RHOH: variants seen among roughly 807,000 people sequenced by gnomAD.
RHOH encodes the protein ras homolog family member H, also known as rho-related GTP-binding protein RhoH.
RHOH carries 6 observed loss-of-function variants against 13.8 expected under a neutral mutation model. The ratio of observed to expected loss-of-function variants is 0.44; its 90% CI spans 0.24 to 0.86. The LOEUF is 0.86. Among genes scored for constraint, RHOH ranks in the 40% least tolerant of loss-of-function variants. The probability of loss-of-function intolerance (pLI) is 0.24; values close to 1 mark genes in which losing one functional copy is unlikely to be tolerated. For synonymous variants in RHOH, 117 were observed against 103.0 expected (o/e 1.14, Z -0.82); for missense variants, 147 against 244.5 (o/e 0.60, Z 2.66).
Position 40,218,345 on chromosome 4 carries a change from A to T in RHOH, c.-331+21045A>T, listed in dbSNP as rs1726135470. ...TGTCTACAATGACCAGTGGACTCTA[A>T]ACTGGGCTGGAACATGTTCCCAGGA... On this transcript the variant is annotated intron_variant, in intron 1 of 2. Transcript: ENST00000381799. This position sits in a 1 kb window ranked among gnomAD's most constrained non-coding sequence, Gnocchi z 4.1. 6.6e-6 allele frequency: 1 copy of T among 152,182 alleles called. No homozygotes were observed. Among genetic ancestry groups the T allele is most frequent in the Non-Finnish European group, 1.5e-5 (1 of 68,040 alleles). 9.4% of individuals were successfully genotyped at this position (152,182 alleles called of 1,614,324 possible). A position where few individuals can be genotyped will look rare whatever the true frequency, so the allele number is the denominator to read the frequency against.
At chr4:40,222,304 A>G (rs894039275) in intron 1 of RHOH, among the ~76,000 whole-genome samples, 2 of 152,220 alleles carry the variant, frequency 1.3e-5, no homozygotes, top group Non-Finnish European at 2.9e-5. Flanking sequence ...TTGGAAGAAG[A>G]TGCCATCTAG....
At chr4:40,231,497 G>A (rs1332604548) in intron 1 of RHOH, among the ~76,000 whole-genome samples, 1 of 152,046 alleles carries the variant, frequency 6.6e-6, no homozygotes, top group South Asian at 2.1e-4. Flanking sequence ...TCCTGAAAGC[G>A]CTCTGTCTCT....
At chr4:40,217,750 A>T (rs1361239913) in intron 1 of RHOH, among the ~76,000 whole-genome samples, 1 of 152,258 alleles carries the variant, frequency 6.6e-6, no homozygotes, top group East Asian at 1.9e-4. Flanking sequence ...GCAAAAATAA[A>T]TAGAAATGGC....
intron 1 of RHOH, among the ~76,000 whole-genome samples, chr4:40,232,373 C>G (rs933030388): frequency 2.7e-5 from 4 of 146,636 alleles, no homozygotes; most frequent in Middle Eastern, 3.5e-3. Context: ...TATAGGCATG[C>G]TCCACCATGC....
chr4:40,235,616 G>GGA (rs1319543353), intron 1 of RHOH, among the ~76,000 whole-genome samples: 2 of 122,388 alleles, frequency 1.6e-5, no homozygotes, highest in East Asian at 4.8e-4. Context: ...AAAGAAAAAA[G>GGA]AAAAAAAAAA....
intron 1 of RHOH, among the ~76,000 whole-genome samples, chr4:40,212,263 T>G (rs1725355264): frequency 6.6e-6 from 1 of 152,248 alleles, no homozygotes; most frequent in Admixed American, 6.5e-5. Flanking sequence ...GACCTTGGGA[T>G]GGATTAGACT....
At chr4:40,235,993 A>G (rs556502687) in intron 1 of RHOH, among the ~76,000 whole-genome samples, 2,093 of 116,964 alleles carry the variant, frequency 0.018, 27 homozygotes, top group Middle Eastern at 0.031. Flanking sequence ...AAGAAAAAAA[A>G]AAAAAGAAAA....
chr4:40,208,370 T>A (rs995587771), intron 1 of RHOH, among the ~76,000 whole-genome samples: 1 of 152,208 alleles, frequency 6.6e-6, no homozygotes, highest in African/African-American at 2.4e-5. Flanking sequence ...AACGAATTAG[T>A]AACCAATGTA....
At chr4:40,209,509 G>C (rs1725011886) in intron 1 of RHOH, 1 of 152,070 alleles carries the variant, frequency 6.6e-6, no homozygotes, top group Non-Finnish European at 1.5e-5. Flanking sequence ...GCAGTGGCAT[G>C]ATGATGGCTC....
intron 1 of RHOH, among the ~76,000 whole-genome samples, chr4:40,223,633 TA>T (rs1225529144): frequency 2.6e-5 from 4 of 151,622 alleles, no homozygotes; most frequent in Admixed American, 2.6e-4. Context: ...CCTGGCTAAT[TA>T]AAAAAAAATT....
At chr4:40,200,173 G>A (rs1030033442) in intron 1 of RHOH, among the ~76,000 whole-genome samples, 1 of 152,204 alleles carries the variant, frequency 6.6e-6, no homozygotes, top group Non-Finnish European at 1.5e-5. Flanking sequence ...CCCCAGGGGG[G>A]TGGAAGGGTG....
intron 1 of RHOH, among the ~76,000 whole-genome samples, chr4:40,207,133 G>T (rs1213721888): frequency 6.6e-6 from 1 of 151,716 alleles, no homozygotes; most frequent in African/African-American, 2.4e-5. Flanking sequence ...TTGAACCTGG[G>T]AGGCAGAGTT....
chr4:40,238,575 T>C (rs1728865769), intron 1 of RHOH, among the ~76,000 whole-genome samples: 1 of 152,170 alleles, frequency 6.6e-6, no homozygotes, highest in African/African-American at 2.4e-5. Flanking sequence ...TCTGTCTCTG[T>C]GCGTGTGAAC....
intron 1 of RHOH, among the ~76,000 whole-genome samples, chr4:40,213,672 C>T (rs1725548746): frequency 6.6e-6 from 1 of 152,138 alleles, no homozygotes; most frequent in African/African-American, 2.4e-5. Flanking sequence ...CGATTGCACT[C>T]AGATGGGTCA....
At chr4:40,229,462 C>T (rs1217900312) in intron 1 of RHOH, among the ~76,000 whole-genome samples, 2 of 151,710 alleles carry the variant, frequency 1.3e-5, no homozygotes, top group East Asian at 1.9e-4. Context: ...ATGGAGAAAC[C>T]CCGTCTCTAC....
chr4:40,225,823 G>C (rs1341811975), intron 1 of RHOH, among the ~76,000 whole-genome samples: 2 of 152,214 alleles, frequency 1.3e-5, no homozygotes, highest in African/African-American at 4.8e-5. Context: ...GAGGTAGGGA[G>C]AGGGGAGGTA....
At chr4:40,241,328 A>G (rs531164393) in intron 1 of RHOH, among the ~76,000 whole-genome samples, 2 of 152,336 alleles carry the variant, frequency 1.3e-5, no homozygotes, top group South Asian at 2.1e-4. Context: ...ATGGCTTCCT[A>G]TAATTCCCAG....
At chr4:40,203,224 G>A (rs1270876108) in intron 1 of RHOH, among the ~76,000 whole-genome samples, 1 of 152,106 alleles carries the variant, frequency 6.6e-6, no homozygotes, top group African/African-American at 2.4e-5. Flanking sequence ...CGCCCGCCTC[G>A]GCCTCCCAAA....
At chr4:40,240,916 G>A (rs1729162328) in intron 1 of RHOH, among the ~76,000 whole-genome samples, 1 of 152,038 alleles carries the variant, frequency 6.6e-6, no homozygotes, top group Non-Finnish European at 1.5e-5. Flanking sequence ...CAGCACTTTG[G>A]GAGGCTGAGG....
Sources: allele counts gnomAD v4.1 joint callset (sites outside exome capture counted in the v4.1 genomes callset), GRCh38; gene constraint gnomAD v4.1.1; non-coding constraint Gnocchi (gnomAD v3.1); transcripts MANE v1.5; gene names NCBI Gene and HGNC (gene_info 2026-07-23, HGNC 2026-07-21).